ADAM23: variants seen among roughly 807,000 people sequenced by gnomAD.
The protein encoded by ADAM23 is ADAM metallopeptidase domain 23.
Under a neutral mutation model 120.1 loss-of-function variants are expected in ADAM23, and 33 were observed. The ratio of observed to expected loss-of-function variants is 0.27; its 90% CI spans 0.21 to 0.37. The LOEUF (loss-of-function observed/expected upper bound fraction) is 0.37. Ranked by LOEUF, ADAM23 falls within the 10% of genes least tolerant of loss-of-function variation. The pLI is 1.00. For missense variants in ADAM23, 862 were observed against 1,058.2 expected, an observed-to-expected ratio of 0.81 and a Z score of 2.57; for synonymous variants, 367 against 375.2, an observed-to-expected ratio of 0.98 and a Z score of 0.25.
chr2:206,446,227 G>T (rs1047369059), intron 2 of ADAM23, among the ~76,000 whole-genome samples: 1 of 152,200 alleles, frequency 6.6e-6, no homozygotes, highest in Non-Finnish European at 1.5e-5. Flanking sequence ...CAAGGTATCA[G>T]TAGAAGACAA....
chr2:206,615,944 G>A (rs1189081801), intron 25 of ADAM23, among the ~76,000 whole-genome samples: 2 of 152,156 alleles, frequency 1.3e-5, no homozygotes, highest in African/African-American at 4.8e-5. Flanking sequence ...ATTTAGATGT[G>A]GGCAACATGC....
intron 25 of ADAM23, among the ~76,000 whole-genome samples, chr2:206,610,903 A>G (rs926074689): frequency 3.9e-5 from 6 of 152,336 alleles, no homozygotes; most frequent in Non-Finnish European, 8.8e-5. Context: ...TCACAGAAAC[A>G]AATTTAAGTG....
intron 2 of ADAM23, among the ~76,000 whole-genome samples, chr2:206,453,288 G>A (rs572473524): frequency 6.6e-6 from 1 of 152,350 alleles, no homozygotes; most frequent in Non-Finnish European, 1.5e-5. Context: ...TATCAGGAAT[G>A]TGTTCTTAGA....
At chr2:206,613,190 G>T (rs945935486) in intron 25 of ADAM23, among the ~76,000 whole-genome samples, 1 of 152,162 alleles carries the variant, frequency 6.6e-6, no homozygotes, top group Non-Finnish European at 1.5e-5. Context: ...CTCCTGAGCA[G>T]CTGGGATTAC....
chr2:206,567,979 C>T (rs889310968), intron 15 of ADAM23, among the ~76,000 whole-genome samples: 1 of 152,168 alleles, frequency 6.6e-6, no homozygotes, highest in African/African-American at 2.4e-5. Flanking sequence ...ATCATGAGGA[C>T]TGTATGGGGA....
chr2:206,548,159 T>G, intron 7 of ADAM23, 122 bp from the exon 8 acceptor site: 1 of 784,666 alleles, frequency 1.3e-6, no homozygotes, highest in Admixed American at 2.4e-5. Context: ...ATGATCAGTG[T>G]GCTTTTTTTC....
intron 3 of ADAM23, among the ~76,000 whole-genome samples, chr2:206,496,873 C>A (rs1696262345): frequency 6.6e-6 from 1 of 152,176 alleles, no homozygotes; most frequent in Admixed American, 6.5e-5. Context: ...ACTATAAACA[C>A]CTCTACGCAA....
At chr2:206,526,905 T>G (rs116480943) in intron 3 of ADAM23, among the ~76,000 whole-genome samples, 2 of 152,272 alleles carry the variant, frequency 1.3e-5, no homozygotes, top group Non-Finnish European at 2.9e-5. Flanking sequence ...TTTCACCACT[T>G]TAGTGGTGCA....
At position 206,621,117 on chromosome 2, in the gene ADAM23, T is replaced by C. The variant is rs1271060316; in HGVS notation, c.*3490T>C. The C allele has an allele frequency of 2.0e-5, 3 of 152,228 alleles. No individual in the cohort carries two copies. The highest frequency in any genetic ancestry group is 6.5e-5 in the Admixed American group (1 of 15,286). The allele number at this position is 152,228 out of a possible 1,614,324, so 9.4% of individuals were successfully genotyped here. A position where few individuals can be genotyped will look rare whatever the true frequency, so the allele number is the denominator to read the frequency against. On this transcript the variant is annotated 3_prime_UTR_variant, in exon 26 of 26. Transcript: ENST00000264377. ...TTAAGTCAAATGTGTATTAAAACTT[T>C]CGTTAACGTAGAATGTTGTAGCTTT... is the stretch of plus-strand genomic sequence containing the variant.
intron 2 of ADAM23, among the ~76,000 whole-genome samples, chr2:206,477,956 C>G (rs1185514159): frequency 1.4e-5 from 2 of 140,182 alleles, no homozygotes; most frequent in Non-Finnish European, 1.5e-5. Context: ...TAATGACTCA[C>G]TTTACATGAT....
At chr2:206,585,578 A>C (rs1698305658) in intron 18 of ADAM23, among the ~76,000 whole-genome samples, 1 of 152,224 alleles carries the variant, frequency 6.6e-6, no homozygotes. Flanking sequence ...TAAATGGCTC[A>C]ATATGTGCAG....
chr2:206,565,126 A>G, intron 14 of ADAM23, 58 bp downstream of exon 14: 2 of 1,540,166 alleles, frequency 1.3e-6, no homozygotes, highest in Middle Eastern at 1.7e-4. Flanking sequence ...TGCTGTGTAG[A>G]GTTAGAAACA....
At chr2:206,531,055 G>C (rs1352019384) in intron 4 of ADAM23, 107 bp downstream of exon 4, 4 of 774,740 alleles carry the variant, frequency 5.2e-6, no homozygotes, top group Non-Finnish European at 7.9e-6. Flanking sequence ...AATCACCTGT[G>C]CTCTTTTACA....
At chr2:206,461,200 G>T (rs1337301488) in intron 2 of ADAM23, among the ~76,000 whole-genome samples, 1 of 151,266 alleles carries the variant, frequency 6.6e-6, no homozygotes, top group Non-Finnish European at 1.5e-5. Flanking sequence ...TAGCTGGGAT[G>T]ACAGGCCCCC....
At chr2:206,591,870 A>G (rs1457686080) in intron 21 of ADAM23, among the ~76,000 whole-genome samples, 1 of 152,186 alleles carries the variant, frequency 6.6e-6, no homozygotes, top group African/African-American at 2.4e-5. Flanking sequence ...CTATATTAGC[A>G]TGGTTTTAAT....
At chr2:206,544,613 ATTTTTTTTTT>A (rs58554638) in intron 6 of ADAM23, among the ~76,000 whole-genome samples, 1 of 132,798 alleles carries the variant, frequency 7.5e-6, no homozygotes, top group Non-Finnish European at 1.6e-5. Flanking sequence ...GGAGAGTTAA[ATTTTTTTTTT>A]TTTTTTTTTG....
At chr2:206,503,314 C>G (rs1369580209) in intron 3 of ADAM23, among the ~76,000 whole-genome samples, 1 of 151,856 alleles carries the variant, frequency 6.6e-6, no homozygotes, top group Non-Finnish European at 1.5e-5. Context: ...TGGGTGATTT[C>G]TTACAGTAGA....
At position 206,614,681 on chromosome 2, in the gene ADAM23, A is replaced by G. The variant is rs1698901115; in HGVS notation, c.2451-2898A>G. Among the ~76,000 whole-genome samples, 2 of 152,328 alleles carry G rather than the reference A, an allele frequency of 1.3e-5. 1 individual carries two copies. The highest frequency in any genetic ancestry group is 4.1e-4 in the South Asian group (2 of 4,824). On this transcript the variant is annotated intron_variant, in intron 25 of 25. Transcript: ENST00000264377. ...AAAAAAAAGAGTTATCTGAATGTCA[A>G]GTCAGATAAAATTTGAAAGGAACTT...
At chr2:206,611,222 C>T (rs182522210) in intron 25 of ADAM23, among the ~76,000 whole-genome samples, 1 of 151,956 alleles carries the variant, frequency 6.6e-6, no homozygotes, top group African/African-American at 2.4e-5. Flanking sequence ...TAAAATTATA[C>T]GTCTTTTCTC....
Sources: gnomAD v4.1 joint callset for allele counts (sites outside exome capture counted in the v4.1 genomes callset) on GRCh38, gnomAD v4.1.1 for gene constraint, MANE v1.5 for transcripts, NCBI Gene and HGNC (gene_info 2026-07-23, HGNC 2026-07-21) for gene names.